Variants in ZNF862 observed in about 807,000 individuals in gnomAD.
The protein encoded by ZNF862 is zinc finger protein 862.
A neutral mutation model predicts 91.1 loss-of-function variants in ZNF862; 64 were observed. That is an observed-to-expected ratio of 0.70 (90% CI 0.57 to 0.87). The LOEUF is 0.87. Ranked by LOEUF, ZNF862 falls within the 40% of genes least tolerant of loss-of-function variation. The pLI, the probability that ZNF862 is intolerant of heterozygous loss-of-function variation, is 0.00. For missense variants in ZNF862, 1,459 were observed against 1,528.0 expected (o/e 0.95, Z 0.75); for synonymous variants, 631 against 618.1 (o/e 1.02, Z -0.31).
intron 2 of ZNF862, chr7:149,844,975 A>G (rs28536043): frequency 0.19 from 88,383 of 462,280 alleles, 9,467 homozygotes; most frequent in African/African-American, 0.32. Context: ...GGCCTGGGCT[A>G]GACTCCTGGG....
intron 2 of ZNF862, 30 bp downstream of exon 2, chr7:149,844,766 T>C: frequency 2.1e-6 from 3 of 1,437,584 alleles, no homozygotes; most frequent in Non-Finnish European, 2.9e-6. Flanking sequence ...TCCCTGCCAC[T>C]GTCAATTTAG....
At chr7:149,840,187 TAAAAAAAAAAAAA>T (rs60721842) in intron 1 of ZNF862, among the ~76,000 whole-genome samples, 17 of 41,246 alleles carry the variant, frequency 4.1e-4, no homozygotes, top group East Asian at 1.2e-3. Flanking sequence ...GCTTAAAAAG[TAAAAAAAAAAAAA>T]AAAAAAAAAA....
intron 1 of ZNF862, among the ~76,000 whole-genome samples, chr7:149,840,328 G>T (rs1411948080): frequency 6.6e-6 from 1 of 150,608 alleles, no homozygotes; most frequent in African/African-American, 2.4e-5. Context: ...GAAAAATATT[G>T]TACAGGTGTA....
rs751973778 is a variant in ZNF862 at position 149,847,926 on chromosome 7, G to A, written c.433G>A (p.Val145Met). 6.2e-7 allele frequency: 1 copy of A among 1,606,588 alleles called. No individual in the cohort carries two copies. Among genetic ancestry groups the A allele is most frequent in the Non-Finnish European group, 8.5e-7 (1 of 1,176,254 alleles). ...CCGGTCCATCCAGAAGTCGTGGTTT[G>A]TGCAGTTTCCGTGGCTGATCATGAA... is the stretch of plus-strand genomic sequence containing the variant. ...KPRSIQKSWF[V>M]QFPWLIMNEE... Residue 145 changes from valine to methionine, a missense_variant, in exon 4 of 8, where the codon GTG becomes ATG. By Grantham distance (21) the Val-to-Met change is conservative (BLOSUM62 1). Coordinates refer to ENST00000223210, the MANE Select transcript of ZNF862 (RefSeq NM_001099220.3).
intron 6 of ZNF862, chr7:149,859,935 G>A (rs535405029): frequency 6.5e-5 from 16 of 244,446 alleles, no homozygotes; most frequent in African/African-American, 3.4e-4. Flanking sequence ...GTAATTTCTT[G>A]GCTTGTAGTT....
Position 149,864,159 on chromosome 7 carries a change from AG to A in ZNF862, c.3387del (p.Thr1130ProfsTer16), listed in dbSNP as rs1802627854. 6.3e-7 allele frequency: 1 copy of A among 1,594,834 alleles called. No individual in the cohort carries two copies. On this transcript the variant is annotated frameshift_variant, in exon 8 of 8. Coordinates refer to ENST00000223210, the MANE Select transcript of ZNF862 (RefSeq NM_001099220.3). LOFTEE classifies it low-confidence loss of function (END_TRUNC). The stretch of plus-strand genomic sequence containing the variant: ...GGGAGCCCTCTATGTGGAGGAGCCC[AG>A]GACCCAGAAGCCACCCATCCTGCCC... ...EMGALYVEEP[R>X]TQKPPILPSR...
intron 1 of ZNF862, chr7:149,841,174 G>A: frequency 1.0e-6 from 1 of 985,446 alleles, no homozygotes. Flanking sequence ...AGGAATAGCG[G>A]TGCTGTTCTA....
intron 1 of ZNF862, 125 bp downstream of exon 1, chr7:149,838,760 C>G (rs968299916): frequency 1.7e-6 from 1 of 598,220 alleles, no homozygotes. Context: ...AAGGACTCGC[C>G]GGCCCGCCCT....
Position 149,855,323 on chromosome 7 carries a change from TGTA to T in ZNF862, c.1118-4091_1118-4089del, listed in dbSNP as rs1433226212. On this transcript the variant is annotated intron_variant, in intron 5 of 7. Coordinates refer to ENST00000223210, the MANE Select transcript of ZNF862 (RefSeq NM_001099220.3). This position sits in a 1 kb window ranked among gnomAD's most constrained non-coding sequence, Gnocchi z 4.1. ...GTAGGAAACAAAAGCCCCGTCTCTG[TGTA>T]GTAGTAGAAAATCTGGACTTCATTT... Among the ~76,000 whole-genome samples the T allele has an allele frequency of 6.6e-6, 1 of 152,138 alleles. No homozygotes were observed. Among genetic ancestry groups the T allele is most frequent in the Non-Finnish European group, 1.5e-5 (1 of 68,010 alleles).
intron 1 of ZNF862, among the ~76,000 whole-genome samples, chr7:149,840,187 T>TAAA (rs60721842): frequency 0.017 from 691 of 41,224 alleles, 4 homozygotes; most frequent in East Asian, 0.052. Flanking sequence ...GCTTAAAAAG[T>TAAA]AAAAAAAAAA....
chr7:149,863,579 C>A (rs1802597516), intron 7 of ZNF862, among the ~76,000 whole-genome samples: 1 of 152,180 alleles, frequency 6.6e-6, no homozygotes, highest in African/African-American at 2.4e-5. Context: ...TGTGTCCAGC[C>A]CTGTGGGTGC....
At chr7:149,841,607 G>A (rs1360823955) in intron 1 of ZNF862, 3 of 985,312 alleles carry the variant, frequency 3.0e-6, no homozygotes, top group Non-Finnish European at 3.6e-6. Context: ...TTTGCTGCAA[G>A]GTGTGGGTGC....
intron 6 of ZNF862, chr7:149,859,913 C>G (rs139411436): frequency 6.2e-4 from 157 of 254,452 alleles, no homozygotes; most frequent in African/African-American, 3.3e-3. Flanking sequence ...GTTGTCTTGC[C>G]TATCTCAATC....
chr7:149,849,353 G>A (rs557035496), intron 4 of ZNF862, among the ~76,000 whole-genome samples: 4 of 152,138 alleles, frequency 2.6e-5, no homozygotes, highest in Admixed American at 6.5e-5. Flanking sequence ...TCCACTCCCC[G>A]CAGCACTGCT....
intron 1 of ZNF862, chr7:149,840,874 C>A (rs995452328): frequency 1.1e-6 from 1 of 903,522 alleles, no homozygotes; most frequent in African/African-American, 1.8e-5. Flanking sequence ...TGCCTAAGGA[C>A]ACATTTCCTA....
chr7:149,850,371 C>G lies in ZNF862; in HGVS notation c.1117+33C>G, dbSNP rs1428142770. ...CGCACCGAGCCTCTTATTCACCACC[C>G]TCCTTTGACTTGGGAAGCCCACAAG... On this transcript the variant is annotated intron_variant, in intron 5 of 7. Transcript: ENST00000223210. This position sits in a 1 kb window ranked among gnomAD's most constrained non-coding sequence, Gnocchi z 4.2. The G allele has an allele frequency of 2.5e-6, 4 of 1,581,874 alleles. No homozygotes were observed. Among genetic ancestry groups the G allele is most frequent in the East Asian group, 2.3e-5 (1 of 44,342 alleles).
At chr7:149,841,441 C>A in intron 1 of ZNF862, 1 of 981,782 alleles carries the variant, frequency 1.0e-6, no homozygotes, top group Non-Finnish European at 1.2e-6. Flanking sequence ...TTCTTCCTAA[C>A]CCTTATCACT....
In ZNF862 at chr7:149,847,872, G is replaced by A. The variant is rs1342062617; in HGVS notation, c.379G>A (p.Ala127Thr). The A allele has an allele frequency of 4.3e-6, 7 of 1,611,512 alleles. No individual in the cohort carries two copies. Among genetic ancestry groups the A allele is most frequent in the South Asian group, 2.2e-5 (2 of 90,620 alleles). ...TGSGHIEGDW[A>T]GRNRKLLKPR... ...CAGTGGACACATCGAGGGAGACTGGGCCGGAAGAAACAGGAAACTTCTGAA... is the reference window on the plus strand; with the variant it reads ...CAGTGGACACATCGAGGGAGACTGGACCGGAAGAAACAGGAAACTTCTGAA... The change falls in exon 4 of 8, where the codon GCC (alanine) becomes ACC (threonine). Residue 127 changes from alanine (A) to threonine (T), a missense_variant. By Grantham distance (58) the Ala-to-Thr change is moderately conservative. Transcript: ENST00000223210.
chr7:149,844,762 C>G, intron 2 of ZNF862, 26 bp downstream of exon 2: 1 of 1,452,716 alleles, frequency 6.9e-7, no homozygotes, highest in Non-Finnish European at 9.5e-7. Context: ...CACATCCCTG[C>G]CACTGTCAAT....
Sources: gnomAD v4.1 joint callset for allele counts (sites outside exome capture counted in the v4.1 genomes callset) on GRCh38, gnomAD v4.1.1 for gene constraint, Gnocchi (gnomAD v3.1) non-coding constraint, MANE v1.5 for transcripts, NCBI Gene and HGNC (gene_info 2026-07-23, HGNC 2026-07-21) for gene names.